The following OSBPL6 variants were observed in gnomAD, a reference collection of about 807,000 sequenced individuals.
The protein encoded by OSBPL6 is oxysterol binding protein like 6.
Under a neutral mutation model 125.8 loss-of-function variants are expected in OSBPL6, and 49 were observed. The observed-to-expected ratio is 0.39, with a 90% CI of 0.31 to 0.49. The LOEUF (loss-of-function observed/expected upper bound fraction) is 0.49, where lower values mean the gene tolerates loss of function less well. Ranked by LOEUF, OSBPL6 falls within the 20% of genes least tolerant of loss-of-function variation. The probability of loss-of-function intolerance (pLI) is 0.88; values close to 1 mark genes in which losing one functional copy is unlikely to be tolerated. For synonymous variants in OSBPL6, 394 were observed against 391.8 expected (o/e 1.01, Z -0.07); for missense variants, 986 against 1,135.4 (o/e 0.87, Z 1.89).
chr2:178,281,502 C>T lies in OSBPL6; in HGVS notation c.-350-3425C>T, dbSNP rs190955009. ...TTTCTGCATATGGCTAGCCAGTTCT[C>T]CCAGCATCATTTATTAAATAGGGAA... On this transcript the variant is annotated intron_variant, in intron 1 of 24. Transcript: ENST00000190611. Among the ~76,000 whole-genome samples the T allele has an allele frequency of 3.0e-3, 454 of 152,246 alleles. 5 individuals carry two copies. Among genetic ancestry groups the T allele is most frequent in the African/African-American group, 0.011 (442 of 41,542 alleles).
rs575344537 is a variant in OSBPL6, at chr2:178,351,732, C to T, written c.1153+2343C>T. 1.8e-4 allele frequency among the ~76,000 whole-genome samples: 27 copies of T among 152,200 alleles called. No individual in the cohort carries two copies. In the Middle Eastern group the frequency reaches 0.01, roughly 58 times the overall value. On this transcript the variant is annotated intron_variant, in intron 12 of 24. Coordinates refer to ENST00000190611, the MANE Select transcript of OSBPL6 (RefSeq NM_032523.4). Reference sequence around the variant, plus strand: ...GAGGTTATTATCCTCAGCAAACTGACGCAGGAACAGAAAACCAAATACCAC... The same window carrying T: ...GAGGTTATTATCCTCAGCAAACTGATGCAGGAACAGAAAACCAAATACCAC...
rs889537615 is a variant in OSBPL6, at chr2:178,291,505, C to T, written c.-156+6384C>T. 1.2e-4 allele frequency among the ~76,000 whole-genome samples: 19 copies of T among 152,264 alleles called. 1 individual carries two copies. Among genetic ancestry groups the T allele is most frequent in the African/African-American group, 4.6e-4 (19 of 41,554 alleles). On this transcript the variant is annotated intron_variant, in intron 2 of 24. Coordinates refer to ENST00000190611, the MANE Select transcript of OSBPL6 (RefSeq NM_032523.4). Reference sequence around the variant, plus strand: ...TTATTGCTTCTTCTTTTTATTGCTTCCTTTTATTTGATAAATGGATACTTA... The same window carrying T: ...TTATTGCTTCTTCTTTTTATTGCTTTCTTTTATTTGATAAATGGATACTTA...
At chr2:178,367,031 C>A (rs1364775601) in intron 13 of OSBPL6, among the ~76,000 whole-genome samples, 1 of 152,114 alleles carries the variant, frequency 6.6e-6, no homozygotes, top group African/African-American at 2.4e-5. Flanking sequence ...TCAGTAACAG[C>A]ATAAGTGTCC....
intron 1 of OSBPL6, among the ~76,000 whole-genome samples, chr2:178,216,919 A>T (rs993153657): frequency 1.3e-5 from 2 of 152,198 alleles, no homozygotes; most frequent in Admixed American, 6.5e-5. Context: ...CTCCACACTG[A>T]AGAAGAGATT....
rs1695661147 is a variant in OSBPL6 at position 178,394,254 on chromosome 2, G to T, written c.2574-59G>T. On this transcript the variant is annotated intron_variant, in intron 23 of 24. Coordinates refer to ENST00000190611, the MANE Select transcript of OSBPL6 (RefSeq NM_032523.4). ...TAGAAAACAATTTTGTGCAAATGAGGTTTTTTTTCCCCCAGAAAAGAGGAT... is the reference window on the plus strand; with the variant it reads ...TAGAAAACAATTTTGTGCAAATGAGTTTTTTTTTCCCCCAGAAAAGAGGAT... 4.6e-5 allele frequency: 72 copies of T among 1,581,270 alleles called. 2 individuals carry two copies. The South Asian group carries it at 7.4e-4, about 16-fold the overall frequency.
At chr2:178,344,425 C>A in intron 11 of OSBPL6, 3 of 1,507,142 alleles carry the variant, frequency 2.0e-6, no homozygotes, top group Admixed American at 1.7e-5. Context: ...AAGGATGACT[C>A]CCCTGTCCTG....
At chr2:178,320,164 T>C in intron 3 of OSBPL6, 1 of 1,238,242 alleles carries the variant, frequency 8.1e-7, no homozygotes, top group Non-Finnish European at 1.1e-6. Context: ...ACCATTCAGC[T>C]ATTATTAAGT....
At chr2:178,315,080 T>G (rs1466601787) in intron 3 of OSBPL6, among the ~76,000 whole-genome samples, 3 of 152,262 alleles carry the variant, frequency 2.0e-5, no homozygotes, top group Non-Finnish European at 4.4e-5. Flanking sequence ...TTATGAACTG[T>G]TGCCATCATA....
At chr2:178,223,792 A>G (rs957754433) in intron 1 of OSBPL6, among the ~76,000 whole-genome samples, 2 of 152,148 alleles carry the variant, frequency 1.3e-5, no homozygotes, top group African/African-American at 4.8e-5. Context: ...GTGGGTCCTT[A>G]TGGCCTTGGG....
intron 3 of OSBPL6, chr2:178,320,548 A>G (rs905214843): frequency 1.4e-5 from 11 of 803,464 alleles, no homozygotes; most frequent in Non-Finnish European, 2.0e-5. Flanking sequence ...ACTTGCTTAC[A>G]TAATGTGTGT....
intron 2 of OSBPL6, among the ~76,000 whole-genome samples, chr2:178,291,314 G>C (rs950224793): frequency 2.0e-5 from 3 of 152,126 alleles, no homozygotes; most frequent in Admixed American, 6.5e-5. Flanking sequence ...AGGTGTTCCA[G>C]GAGTGACAGT....
rs770587194 is a variant in OSBPL6, at chr2:178,336,010, G to T, written c.658-291G>T. 7.9e-5 allele frequency among the ~76,000 whole-genome samples: 12 copies of T among 152,176 alleles called. No homozygotes were observed. The South Asian group carries it at 1.9e-3, about 24-fold the overall frequency. On this transcript the variant is annotated intron_variant, in intron 8 of 24. Transcript: ENST00000190611. ...ACACTGCAAATACAATTTACTCAGC[G>T]ATTAAAAATTACTGGGAAATTGAGT...
chr2:178,326,071 G>T (rs1011520161), intron 4 of OSBPL6, among the ~76,000 whole-genome samples: 2 of 151,750 alleles, frequency 1.3e-5, no homozygotes, highest in Non-Finnish European at 2.9e-5. Flanking sequence ...CAGCCCCTTT[G>T]AGAGATGGGC....
At chr2:178,210,820 AAAAAC>A (rs1327064365) in intron 1 of OSBPL6, among the ~76,000 whole-genome samples, 2 of 121,994 alleles carry the variant, frequency 1.6e-5, no homozygotes, top group Non-Finnish European at 3.4e-5. Flanking sequence ...TTCAAAAAAA[AAAAAC>A]ACACACACAC....
At chr2:178,383,604 A>T (rs1230763169) in intron 17 of OSBPL6, among the ~76,000 whole-genome samples, 1 of 152,184 alleles carries the variant, frequency 6.6e-6, no homozygotes, top group Non-Finnish European at 1.5e-5. Context: ...CTGTTCAGGA[A>T]CTTAGGTCTG....
chr2:178,257,614 A>G (rs1391669739), intron 1 of OSBPL6, among the ~76,000 whole-genome samples: 3 of 152,186 alleles, frequency 2.0e-5, no homozygotes, highest in East Asian at 3.8e-4. Flanking sequence ...TTTTATATCA[A>G]TTGCCTTATT....
chr2:178,259,008 T>G (rs966996181), intron 1 of OSBPL6, among the ~76,000 whole-genome samples: 4 of 152,174 alleles, frequency 2.6e-5, no homozygotes, highest in African/African-American at 4.8e-5. Context: ...CTTCCTCTCA[T>G]TATTAGTTGA....
intron 1 of OSBPL6, among the ~76,000 whole-genome samples, chr2:178,279,881 C>A (rs1264623233): frequency 6.6e-6 from 1 of 152,156 alleles, no homozygotes; most frequent in Admixed American, 6.6e-5. Context: ...CAAGGTAAAA[C>A]AAGACCCAGT....
At chr2:178,373,290 A>T (rs1693568824) in intron 14 of OSBPL6, among the ~76,000 whole-genome samples, 1 of 152,114 alleles carries the variant, frequency 6.6e-6, no homozygotes. Flanking sequence ...CTTCTTTTCA[A>T]CCTGAAATGT....
Sources: gnomAD v4.1 joint callset for allele counts (sites outside exome capture counted in the v4.1 genomes callset) on GRCh38, gnomAD v4.1.1 for gene constraint, MANE v1.5 for transcripts, NCBI Gene and HGNC (gene_info 2026-07-23, HGNC 2026-07-21) for gene names.